The following CNBD1 variants were observed in gnomAD, a reference collection of about 807,000 sequenced individuals.
CNBD1 encodes the protein cyclic nucleotide binding domain containing 1, also known as cyclic nucleotide-binding domain-containing protein 1.
In CNBD1, 71 loss-of-function variants were observed where a neutral mutation model predicts 54.4. The ratio of observed to expected loss-of-function variants is 1.30; its 90% CI spans 1.08 to 1.59. CNBD1 has a LOEUF of 1.59. Among genes scored for constraint, CNBD1 ranks in the 40% most tolerant of loss-of-function variants. The pLI is 0.00. For missense variants in CNBD1, 659 were observed against 518.0 expected (o/e 1.27, Z -2.64); for synonymous variants, 182 against 170.7 (o/e 1.07, Z -0.51).
At chr8:87,385,807 A>G (rs1379265215), downstream of CNBD1, among the ~76,000 whole-genome samples, 1 of 152,130 alleles carries the variant, frequency 6.6e-6, no homozygotes, top group African/African-American at 2.4e-5. Flanking sequence ...CTGAGAACGG[A>G]CAGACTGCCT....
intron 2 of CNBD1, among the ~76,000 whole-genome samples, chr8:87,397,784 G>C (rs1464108983): frequency 1.3e-5 from 2 of 151,978 alleles, no homozygotes; most frequent in Non-Finnish European, 2.9e-5. Flanking sequence ...ATTCCCTTGT[G>C]TTGTGGGAGG....
At position 86,911,801 on chromosome 8, in the gene CNBD1, C is replaced by T. The variant is rs183679192; in HGVS notation, c.272+6607C>T. ...CAAGAGCAACGTAAAAAATCAGTAG[C>T]ATTTATATATGCCAACAGCAAACAA... On this transcript the variant is annotated intron_variant, in intron 3 of 10. Transcript: ENST00000518476. 6.2e-3 allele frequency among the ~76,000 whole-genome samples: 940 copies of T among 152,082 alleles called. 30 individuals are homozygous for T. The highest frequency in any genetic ancestry group is 0.05 in the Admixed American group (761 of 15,264).
chr8:86,909,312 A>C (rs552048647), intron 3 of CNBD1, among the ~76,000 whole-genome samples: 1 of 152,184 alleles, frequency 6.6e-6, no homozygotes, highest in Non-Finnish European at 1.5e-5. Context: ...CACATATTCT[A>C]TGCTTATTTT....
intron 5 of CNBD1, among the ~76,000 whole-genome samples, chr8:87,219,527 GTATATATAGCCAGAATATATATGCA>G (rs1814281356): frequency 1.3e-5 from 2 of 151,970 alleles, no homozygotes; most frequent in South Asian, 2.1e-4. Flanking sequence ...CCATATATAT[GTATATATAGCCAGAATATATATGCA>G]TATATATAGC....
intron 4 of CNBD1, among the ~76,000 whole-genome samples, chr8:87,150,414 C>T (rs1812580550): frequency 6.6e-6 from 1 of 152,098 alleles, no homozygotes; most frequent in African/African-American, 2.4e-5. Flanking sequence ...TGAAGCTAAA[C>T]CATATTAGAT....
intron 4 of CNBD1, among the ~76,000 whole-genome samples, chr8:87,017,355 C>T (rs1049590123): frequency 2.0e-5 from 3 of 152,098 alleles, no homozygotes; most frequent in Non-Finnish European, 4.4e-5. Flanking sequence ...GTAAATTCTC[C>T]GCTGCATAGC....
intron 10 of CNBD1, among the ~76,000 whole-genome samples, chr8:87,356,081 C>T (rs752383375): frequency 4.2e-5 from 6 of 142,396 alleles, no homozygotes; most frequent in Non-Finnish European, 6.2e-5. Context: ...AGAAGCCAAG[C>T]AGATGTTGTT....
chr8:87,121,369 ATG>A (rs1811886189), intron 4 of CNBD1, among the ~76,000 whole-genome samples: 1 of 151,842 alleles, frequency 6.6e-6, no homozygotes, highest in Non-Finnish European at 1.5e-5. Flanking sequence ...TTAAATAAAA[ATG>A]TATTTATTAA....
At chr8:87,158,781 A>AT (rs1343310029) in intron 4 of CNBD1, among the ~76,000 whole-genome samples, 1 of 152,182 alleles carries the variant, frequency 6.6e-6, no homozygotes, top group African/African-American at 2.4e-5. Context: ...TTCATAAAGA[A>AT]TGTGAGCATG....
chr8:87,111,226 G>A (rs574726183), intron 4 of CNBD1, among the ~76,000 whole-genome samples: 5 of 152,132 alleles, frequency 3.3e-5, no homozygotes, highest in African/African-American at 4.8e-5. Context: ...TGAGGGTTCT[G>A]ACAGCTGTTA....
At chr8:87,374,445 G>T (rs900703444) in intron 10 of CNBD1, among the ~76,000 whole-genome samples, 1 of 151,758 alleles carries the variant, frequency 6.6e-6, no homozygotes, top group African/African-American at 2.4e-5. Context: ...CCTAATAAGG[G>T]CAACTTTAGT....
chr8:87,100,250 C>G (rs1811401467), intron 4 of CNBD1, among the ~76,000 whole-genome samples: 1 of 152,060 alleles, frequency 6.6e-6, no homozygotes, highest in Non-Finnish European at 1.5e-5. Flanking sequence ...TGTTGTCATG[C>G]TAGCTAATCT....
intron 4 of CNBD1, among the ~76,000 whole-genome samples, chr8:87,057,159 T>A (rs1189230768): frequency 6.6e-6 from 1 of 152,204 alleles, no homozygotes; most frequent in Non-Finnish European, 1.5e-5. Context: ...TCCTCATGCT[T>A]CTGTGAAGAA....
intron 4 of CNBD1, among the ~76,000 whole-genome samples, chr8:87,147,549 A>C (rs1432817943): frequency 6.6e-6 from 1 of 152,050 alleles, no homozygotes; most frequent in African/African-American, 2.4e-5. Flanking sequence ...TAAATGTCTT[A>C]TTCAATATTT....
chr8:87,059,393 C>T (rs1374798608), intron 4 of CNBD1, among the ~76,000 whole-genome samples: 2 of 152,200 alleles, frequency 1.3e-5, no homozygotes, highest in African/African-American at 2.4e-5. Flanking sequence ...TATAGCAGCA[C>T]CCTACTTCTG....
At chr8:87,003,632 A>G (rs1470904739) in intron 4 of CNBD1, among the ~76,000 whole-genome samples, 1 of 152,152 alleles carries the variant, frequency 6.6e-6, no homozygotes, top group Non-Finnish European at 1.5e-5. Context: ...TATTTTTTTT[A>G]AAGAGGGCGT....
At chr8:86,950,664 G>T (rs1175034520) in intron 4 of CNBD1, among the ~76,000 whole-genome samples, 1 of 152,072 alleles carries the variant, frequency 6.6e-6, no homozygotes, top group Non-Finnish European at 1.5e-5. Flanking sequence ...TTGAGAATGA[G>T]TTTGGAAGTG....
intron 4 of CNBD1, among the ~76,000 whole-genome samples, chr8:86,959,971 T>A (rs182763079): frequency 6.6e-4 from 100 of 152,280 alleles, no homozygotes; most frequent in African/African-American, 2.4e-3. Flanking sequence ...CTCTGGTTTC[T>A]CCCCATCGTT....
At chr8:87,257,585 C>T (rs948569711) in intron 6 of CNBD1, among the ~76,000 whole-genome samples, 1 of 151,942 alleles carries the variant, frequency 6.6e-6, no homozygotes, top group Non-Finnish European at 1.5e-5. Flanking sequence ...TCATGGAATG[C>T]AGAACCTTTA....
Sources: allele counts gnomAD v4.1 joint callset (sites outside exome capture counted in the v4.1 genomes callset), GRCh38; gene constraint gnomAD v4.1.1; transcripts MANE v1.5; gene names NCBI Gene and HGNC (gene_info 2026-07-23, HGNC 2026-07-21).